Variants in LOC400499 observed in about 807,000 individuals in gnomAD.
chr16:11,444,355 T>C, the LOC400499 span, among the ~76,000 whole-genome samples: 2,620 of 152,134 alleles, frequency 0.017, 84 homozygotes, highest in African/African-American at 0.06. Flanking sequence ...TGAGCCATGA[T>C]CGCACCCCTG....
the LOC400499 span, among the ~76,000 whole-genome samples, chr16:11,516,930 G>A: frequency 6.6e-6 from 1 of 152,322 alleles, no homozygotes; most frequent in Non-Finnish European, 1.5e-5. Flanking sequence ...ACAGGCGTAA[G>A]CCACCGCACT....
At chr16:11,402,099 A>G in the LOC400499 span, 1 of 399,022 alleles carries the variant, frequency 2.5e-6, no homozygotes, top group Non-Finnish European at 4.4e-6. Flanking sequence ...AAATGCTCTG[A>G]GGACAGGCGG....
the LOC400499 span, among the ~76,000 whole-genome samples, chr16:11,453,959 A>T: frequency 2.0e-5 from 3 of 152,380 alleles, no homozygotes; most frequent in East Asian, 5.8e-4. Flanking sequence ...AATTACACAG[A>T]CCAAAATGAC....
the LOC400499 span, among the ~76,000 whole-genome samples, chr16:11,408,492 C>G: frequency 7.6e-6 from 1 of 131,314 alleles, no homozygotes; most frequent in Non-Finnish European, 1.6e-5. Context: ...CAGGGTCTGT[C>G]TGCTCTGTCA....
the LOC400499 span, among the ~76,000 whole-genome samples, chr16:11,434,226 C>G: frequency 1.3e-5 from 2 of 152,142 alleles, no homozygotes; most frequent in East Asian, 3.8e-4. Context: ...AATTATAATA[C>G]TCTATAAGTA....
At chr16:11,385,986 A>T in the LOC400499 span, among the ~76,000 whole-genome samples, 1 of 152,168 alleles carries the variant, frequency 6.6e-6, no homozygotes, top group South Asian at 2.1e-4. Context: ...TGGTGAGCTG[A>T]GATGGCGCCA....
At chr16:11,495,929 T>C in the LOC400499 span, among the ~76,000 whole-genome samples, 315 of 152,296 alleles carry the variant, frequency 2.1e-3, 2 homozygotes, top group African/African-American at 7.2e-3. Flanking sequence ...CTTCTCAAAA[T>C]GCAAATTCTG....
the LOC400499 span, chr16:11,384,344 C>T: frequency 2.7e-5 from 33 of 1,215,816 alleles, no homozygotes; most frequent in South Asian, 3.7e-4. Flanking sequence ...AAGAGGGAAG[C>T]GGAGGCCGGC....
chr16:11,449,246 A>G, the LOC400499 span: 1 of 739,230 alleles, frequency 1.4e-6, no homozygotes, highest in African/African-American at 1.7e-5. Flanking sequence ...TCTGACGCCT[A>G]ACCTGACTGG....
chr16:11,383,241 G>C, the LOC400499 span, among the ~76,000 whole-genome samples: 4 of 151,892 alleles, frequency 2.6e-5, no homozygotes, highest in Admixed American at 2.0e-4. Flanking sequence ...AATTTTTTTT[G>C]TATTTTTAGT....
At chr16:11,382,025 C>G in the LOC400499 span, among the ~76,000 whole-genome samples, 1 of 152,048 alleles carries the variant, frequency 6.6e-6, no homozygotes, top group East Asian at 1.9e-4. Context: ...TCACTGCAAC[C>G]TCCTGGGTTC....
chr16:11,508,805 C>A, the LOC400499 span: 3 of 399,120 alleles, frequency 7.5e-6, no homozygotes, highest in Non-Finnish European at 1.3e-5. Flanking sequence ...TCCTCCCACT[C>A]ATACAGCAGG....
the LOC400499 span, among the ~76,000 whole-genome samples, chr16:11,454,408 AG>A: frequency 2.0e-5 from 3 of 152,328 alleles, no homozygotes; most frequent in Admixed American, 2.0e-4. Context: ...AGTCAAGATG[AG>A]GTCATACGAG....
chr16:11,527,290 G>A, the LOC400499 span, among the ~76,000 whole-genome samples: 1 of 152,142 alleles, frequency 6.6e-6, no homozygotes, highest in African/African-American at 2.4e-5. Context: ...CACTCTCCCA[G>A]CCCAGGAGGG....
chr16:11,483,765 C>G, the LOC400499 span, among the ~76,000 whole-genome samples: 2 of 150,890 alleles, frequency 1.3e-5, no homozygotes, highest in Non-Finnish European at 2.9e-5. Flanking sequence ...GTCCCAGCTA[C>G]TCCGGAAGCT....
At chr16:11,410,003 G>A in the LOC400499 span, among the ~76,000 whole-genome samples, 1 of 152,208 alleles carries the variant, frequency 6.6e-6, no homozygotes, top group African/African-American at 2.4e-5. Context: ...AATGGAGCCA[G>A]GTGTGGTGGT....
At chr16:11,398,458 G>A in the LOC400499 span, 2 of 1,232,284 alleles carry the variant, frequency 1.6e-6, no homozygotes, top group South Asian at 8.2e-5. Flanking sequence ...CCGAGGACGT[G>A]CTCCAGCGTG....
the LOC400499 span, chr16:11,477,938 G>C: frequency 1.3e-5 from 5 of 398,910 alleles, no homozygotes; most frequent in East Asian, 1.4e-4. Flanking sequence ...AGGAAGGCCA[G>C]ACACGGTGGG....
chr16:11,469,141 G>A, the LOC400499 span: 1 of 399,460 alleles, frequency 2.5e-6, no homozygotes, highest in East Asian at 3.6e-5. Context: ...GGTGTCAGGT[G>A]CAGACACAGG....
Sources: gnomAD v4.1 joint callset for allele counts (sites outside exome capture counted in the v4.1 genomes callset) on GRCh38, gnomAD v4.1.1 for gene constraint, MANE v1.5 for transcripts.